The following PRKAR1B variants were observed in gnomAD, a reference collection of about 807,000 sequenced individuals.
PRKAR1B encodes cAMP-dependent protein kinase type I-beta regulatory subunit.
Under a neutral mutation model 46.5 loss-of-function variants are expected in PRKAR1B, and 22 were observed. The observed-to-expected ratio is 0.47, with a 90% CI of 0.34 to 0.68. PRKAR1B has a LOEUF of 0.68. Ranked by LOEUF, PRKAR1B falls within the 30% of genes least tolerant of loss-of-function variation. The pLI is 0.01. For synonymous variants in PRKAR1B, 259 were observed against 217.7 expected (o/e 1.19, Z -1.67); for missense variants, 445 against 535.6 (o/e 0.83, Z 1.67).
rs893323670 is a variant in PRKAR1B at position 549,467 on chromosome 7, C to G, written c.*963G>C. ...TGACCTCGCTTGTCTTTCGGGGGAA[C>G]CCAGGAATCCCCTGGGAAGCTTCTC... On this transcript the variant is annotated 3_prime_UTR_variant, in exon 11 of 11. Transcript: ENST00000537384. The G allele has an allele frequency of 1.3e-5, 2 of 152,390 alleles. No homozygotes were observed. The highest frequency in any genetic ancestry group is 1.5e-5 in the Non-Finnish European group (1 of 68,160). 9.4% of individuals were successfully genotyped at this position (152,390 alleles called of 1,614,324 possible). A position where few individuals can be genotyped will look rare whatever the true frequency, so the allele number is the denominator to read the frequency against.
chr7:690,196 C>T (rs1478741600), intron 2 of PRKAR1B, among the ~76,000 whole-genome samples: 1 of 151,490 alleles, frequency 6.6e-6, no homozygotes, highest in African/African-American at 2.4e-5. Flanking sequence ...CTCTGGAGGC[C>T]GAGGCAGGAG....
chr7:621,328 T>C (rs151077339), intron 4 of PRKAR1B, among the ~76,000 whole-genome samples: 1 of 152,380 alleles, frequency 6.6e-6, no homozygotes, highest in African/African-American at 2.4e-5. Flanking sequence ...AGGTTTTCTA[T>C]TTATTCATGT....
chr7:609,780 GC>G (rs1782371375), intron 4 of PRKAR1B, among the ~76,000 whole-genome samples: 1 of 152,066 alleles, frequency 6.6e-6, no homozygotes, highest in Admixed American at 6.5e-5. Flanking sequence ...TCATTTTGTT[GC>G]CCAGGCTGGA....
chr7:685,298 ATATATATACG>A (rs1256760202), intron 2 of PRKAR1B, among the ~76,000 whole-genome samples: 1,465 of 12,462 alleles, frequency 0.12, 35 homozygotes, highest in Non-Finnish European at 0.16. Flanking sequence ...ATGTATACAT[ATATATATACG>A]TATATATACG....
rs780006879 is a variant in PRKAR1B at position 666,056 on chromosome 7, C to T, written c.440+11173G>A. 7.2e-5 allele frequency among the ~76,000 whole-genome samples: 11 copies of T among 152,304 alleles called. No individual in the cohort carries two copies. The highest frequency in any genetic ancestry group is 2.0e-4 in the Admixed American group (3 of 15,286). On this transcript the variant is annotated intron_variant, in intron 4 of 10. Coordinates refer to ENST00000537384, the MANE Select transcript of PRKAR1B (RefSeq NM_001164760.2). This position sits in a 1 kb window ranked among gnomAD's most constrained non-coding sequence, Gnocchi z 4.9. ...GCAGCTCCAGTAATGAGGTCCCCGC[C>T]GGAGGCCCAACGCACAACACAAACA...
chr7:686,848 G>C (rs1322262821), intron 2 of PRKAR1B, among the ~76,000 whole-genome samples: 1 of 152,154 alleles, frequency 6.6e-6, no homozygotes, highest in Non-Finnish European at 1.5e-5. Context: ...GACAGGCTGA[G>C]GTTTCAACAC....
rs1385621084 is a variant in PRKAR1B at position 636,373 on chromosome 7, CACG to C, written c.441-28924_441-28922del. On this transcript the variant is annotated intron_variant, in intron 4 of 10. Transcript: ENST00000537384. ...ACACGTCCTCCACCGGCCGCGCCCA[CACG>C]TCCTCCACCGGCCGCGCCCTCACGT... is the stretch of plus-strand genomic sequence containing the variant. Among the ~76,000 whole-genome samples the C allele has an allele frequency of 1.3e-4, 6 of 47,916 alleles. 1 individual carries two copies. The highest frequency in any genetic ancestry group is 4.0e-4 in the Admixed American group (2 of 4,990). 31.4% of individuals were successfully genotyped at this position (47,916 alleles called of 152,430 possible).
chr7:555,045 G>T (rs577034276), intron 9 of PRKAR1B, among the ~76,000 whole-genome samples: 121 of 152,340 alleles, frequency 7.9e-4, no homozygotes, highest in African/African-American at 2.6e-3. Context: ...ACCATCAGCA[G>T]AAAGACAGAA....
chr7:689,644 AG>A (rs1779298855), intron 2 of PRKAR1B, among the ~76,000 whole-genome samples: 1 of 151,524 alleles, frequency 6.6e-6, no homozygotes, highest in Non-Finnish European at 1.5e-5. Context: ...TAAGGAGGGG[AG>A]GGGGAGGAGA....
chr7:550,400 G>A lies in PRKAR1B; in HGVS notation c.*30C>T, dbSNP rs201078172. On this transcript the variant is annotated 3_prime_UTR_variant, in exon 11 of 11. Transcript: ENST00000537384. ...GAGCAGGGCACGGCCACCACACTGGGGAGCTGGGGCTGCAGGGCGGGAGCT... is the reference window on the plus strand; with the variant it reads ...GAGCAGGGCACGGCCACCACACTGGAGAGCTGGGGCTGCAGGGCGGGAGCT... The A allele has an allele frequency of 1.9e-6, 3 of 1,565,790 alleles. No individual in the cohort carries two copies. Among genetic ancestry groups the A allele is most frequent in the South Asian group, 1.2e-5 (1 of 85,134 alleles).
intron 2 of PRKAR1B, among the ~76,000 whole-genome samples, chr7:706,348 AT>A (rs1272083983): frequency 1.0e-5 from 1 of 95,352 alleles, no homozygotes; most frequent in African/African-American, 4.0e-5. Context: ...TGATGGTGTC[AT>A]TTTGGATAAT....
At chr7:689,688 C>CT (rs113350333) in intron 2 of PRKAR1B, among the ~76,000 whole-genome samples, 27,147 of 149,948 alleles carry the variant, frequency 0.18, 3,111 homozygotes, top group African/African-American at 0.32. Context: ...AAAGAGAAGA[C>CT]TTTTTTTTTG....
chr7:680,171 A>C (rs1778583585), intron 3 of PRKAR1B, among the ~76,000 whole-genome samples: 1 of 142,488 alleles, frequency 7.0e-6, no homozygotes, highest in Non-Finnish European at 1.5e-5. Context: ...AAAAAAAAAA[A>C]AAAAAAAGAG....
chr7:669,859 C>T (rs1247099135), intron 4 of PRKAR1B, among the ~76,000 whole-genome samples: 2 of 144,616 alleles, frequency 1.4e-5, no homozygotes, highest in African/African-American at 5.1e-5. Context: ...GGCAGGTCCA[C>T]GTGCCATATT....
intron 6 of PRKAR1B, among the ~76,000 whole-genome samples, chr7:597,523 C>A (rs916021464): frequency 4.6e-5 from 7 of 152,234 alleles, no homozygotes; most frequent in South Asian, 2.1e-4. Flanking sequence ...AGCTTCCCCC[C>A]AGTGATCCCC....
chr7:583,975 C>T (rs1056418090), intron 8 of PRKAR1B, among the ~76,000 whole-genome samples: 1 of 152,336 alleles, frequency 6.6e-6, no homozygotes, highest in South Asian at 2.1e-4. Flanking sequence ...CAGGCTCACC[C>T]GAAGGTGAAA....
intron 4 of PRKAR1B, among the ~76,000 whole-genome samples, chr7:626,968 G>A (rs377635582): frequency 1.4e-4 from 21 of 152,174 alleles, no homozygotes; most frequent in East Asian, 5.8e-4. Flanking sequence ...TCCGCCTCCC[G>A]GGTTCAAGCG....
intron 9 of PRKAR1B, among the ~76,000 whole-genome samples, chr7:561,738 G>A (rs931623208): frequency 1.3e-5 from 2 of 152,246 alleles, no homozygotes; most frequent in East Asian, 1.9e-4. Context: ...CTGTGCCAGC[G>A]TTTAATGGAT....
chr7:614,691 C>T (rs1782706110), intron 4 of PRKAR1B, among the ~76,000 whole-genome samples: 2 of 152,300 alleles, frequency 1.3e-5, no homozygotes, highest in South Asian at 2.1e-4. Flanking sequence ...GCAGGCAGAT[C>T]ACCTGAGGTC....
Sources: allele counts gnomAD v4.1 joint callset (sites outside exome capture counted in the v4.1 genomes callset), GRCh38; gene constraint gnomAD v4.1.1; non-coding constraint Gnocchi (gnomAD v3.1); transcripts MANE v1.5; gene names NCBI Gene and HGNC (gene_info 2026-07-23, HGNC 2026-07-21).